The following RALGAPA2 variants were observed in gnomAD, a reference collection of about 807,000 sequenced individuals.
RALGAPA2 encodes the protein Ral GTPase activating protein catalytic subunit alpha 2.
RALGAPA2 carries 139 observed loss-of-function variants against 230.4 expected under a neutral mutation model. The ratio of observed to expected loss-of-function variants is 0.60; its 90% CI spans 0.53 to 0.69. The LOEUF is 0.69. RALGAPA2 is among the 30% of genes least tolerant of loss of function. The pLI is 0.00. For synonymous variants in RALGAPA2, 847 were observed against 837.8 expected (o/e 1.01, Z -0.19); for missense variants, 2,163 against 2,276.0 (o/e 0.95, Z 1.01).
intron 4 of RALGAPA2, among the ~76,000 whole-genome samples, chr20:20,649,225 G>A (rs1305370066): frequency 6.6e-6 from 1 of 152,162 alleles, no homozygotes; most frequent in Non-Finnish European, 1.5e-5. Flanking sequence ...AGTGCACAGG[G>A]AAACCCTGCT....
At position 20,573,235 on chromosome 20, in the gene RALGAPA2, G is replaced by A. The variant is rs573541470; in HGVS notation, c.2708-167C>T. Reference sequence around the variant, plus strand: ...AGAAAAGCAGGATCAAGGAAGAAAGGTCAAATGATTTTGATTCTTCAAACT... The same window carrying A: ...AGAAAAGCAGGATCAAGGAAGAAAGATCAAATGATTTTGATTCTTCAAACT... On this transcript the variant is annotated intron_variant, in intron 20 of 39. Coordinates refer to ENST00000202677, the MANE Select transcript of RALGAPA2 (RefSeq NM_020343.4). 2.6e-5 allele frequency among the ~76,000 whole-genome samples: 4 copies of A among 152,302 alleles called. No homozygotes were observed. The East Asian group carries it at 7.7e-4, about 29-fold the overall frequency.
chr20:20,618,683 C>T (rs974388335), intron 12 of RALGAPA2, among the ~76,000 whole-genome samples: 6 of 152,148 alleles, frequency 3.9e-5, no homozygotes, highest in African/African-American at 1.4e-4. Flanking sequence ...TGTATTTTCA[C>T]TTACTCTTCA....
At chr20:20,614,263 C>A (rs1245906514) in intron 13 of RALGAPA2, among the ~76,000 whole-genome samples, 1 of 152,070 alleles carries the variant, frequency 6.6e-6, no homozygotes, top group Non-Finnish European at 1.5e-5. Flanking sequence ...ATACTTTCAC[C>A]TAGGAATCTA....
At chr20:20,551,546 G>C (rs1236480666) in intron 23 of RALGAPA2, among the ~76,000 whole-genome samples, 4 of 152,204 alleles carry the variant, frequency 2.6e-5, no homozygotes, top group Non-Finnish European at 5.9e-5. Flanking sequence ...TAACTGGTGA[G>C]AACATCTGTC....
At chr20:20,665,729 G>A (rs1354248492) in intron 3 of RALGAPA2, among the ~76,000 whole-genome samples, 1 of 152,148 alleles carries the variant, frequency 6.6e-6, no homozygotes, top group Non-Finnish European at 1.5e-5. Flanking sequence ...CCCACCTTCC[G>A]GTTTGTACAG....
At chr20:20,427,541 C>T (rs2060411171) in intron 37 of RALGAPA2, among the ~76,000 whole-genome samples, 1 of 152,040 alleles carries the variant, frequency 6.6e-6, no homozygotes, top group Non-Finnish European at 1.5e-5. Context: ...TGTCTTCCTG[C>T]CCCTGGTCCT....
intron 2 of RALGAPA2, 29 bp from the exon 3 acceptor site, chr20:20,676,317 A>G: frequency 1.4e-6 from 2 of 1,470,412 alleles, no homozygotes; most frequent in Non-Finnish European, 1.9e-6. Context: ...ATTAGTTATC[A>G]TGACATCATT....
At chr20:20,426,573 G>A (rs1391520301) in intron 37 of RALGAPA2, among the ~76,000 whole-genome samples, 1 of 152,220 alleles carries the variant, frequency 6.6e-6, no homozygotes, top group Non-Finnish European at 1.5e-5. Flanking sequence ...CTGCTTAGGG[G>A]TGAGGAAGGG....
intron 36 of RALGAPA2, among the ~76,000 whole-genome samples, chr20:20,490,802 C>G (rs2062030160): frequency 2.0e-5 from 3 of 151,950 alleles, no homozygotes; most frequent in Non-Finnish European, 4.4e-5. Context: ...TGGGCACCTG[C>G]TCCAGGTACA....
intron 23 of RALGAPA2, among the ~76,000 whole-genome samples, chr20:20,565,393 G>A (rs913044519): frequency 6.6e-6 from 1 of 152,156 alleles, no homozygotes. Flanking sequence ...GGCTGTCTGG[G>A]GTTATTAAAA....
chr20:20,531,864 TAACAA>T, intron 26 of RALGAPA2, 69 bp from the exon 27 acceptor site: 3 of 1,159,954 alleles, frequency 2.6e-6, no homozygotes, highest in East Asian at 2.5e-5. Flanking sequence ...TATTTTCAAA[TAACAA>T]AACACTTTAA....
intron 38 of RALGAPA2, among the ~76,000 whole-genome samples, chr20:20,403,748 C>T (rs1430263268): frequency 6.6e-6 from 1 of 152,180 alleles, no homozygotes; most frequent in Admixed American, 6.5e-5. Flanking sequence ...AATGACTGCA[C>T]GTGGGCTCTG....
chr20:20,432,259 C>CA (rs2122975566), intron 37 of RALGAPA2, among the ~76,000 whole-genome samples: 1 of 152,258 alleles, frequency 6.6e-6, no homozygotes, highest in African/African-American at 2.4e-5. Context: ...GTGACTGTCT[C>CA]ATTGTGCCTG....
intron 35 of RALGAPA2, among the ~76,000 whole-genome samples, chr20:20,496,577 A>G (rs570836091): frequency 1.3e-4 from 20 of 152,364 alleles, no homozygotes; most frequent in East Asian, 5.8e-4. Context: ...CTAACAGATG[A>G]ACATTAAAAA....
chr20:20,609,588 C>A (rs917493620), intron 14 of RALGAPA2, among the ~76,000 whole-genome samples: 1 of 152,142 alleles, frequency 6.6e-6, no homozygotes, highest in African/African-American at 2.4e-5. Flanking sequence ...TTGTTTAATT[C>A]TGTGACAAGT....
intron 38 of RALGAPA2, among the ~76,000 whole-genome samples, chr20:20,401,383 C>T (rs909900803): frequency 2.0e-5 from 3 of 152,172 alleles, no homozygotes; most frequent in Admixed American, 2.0e-4. Flanking sequence ...ACCTCTCCTG[C>T]TGTGCCACCC....
At position 20,495,415 on chromosome 20, in the gene RALGAPA2, T is replaced by C. The variant is rs148512822; in HGVS notation, c.5209-140A>G. The C allele has an allele frequency of 7.9e-6, 5 of 633,410 alleles. No individual in the cohort carries two copies. In the Admixed American group the frequency reaches 1.4e-4, roughly 17 times the overall value. 39.2% of individuals were successfully genotyped at this position (633,410 alleles called of 1,614,324 possible). On this transcript the variant is annotated intron_variant, in intron 35 of 39. Coordinates refer to ENST00000202677, the MANE Select transcript of RALGAPA2 (RefSeq NM_020343.4). ...AAAGGCTACAACATTGATGTTCTTC[T>C]GTGAGGATTTTAAAAAGCACAAGTG...
chr20:20,598,727 C>T (rs540347713), intron 16 of RALGAPA2: 25 of 456,252 alleles, frequency 5.5e-5, no homozygotes, highest in East Asian at 4.9e-4. Flanking sequence ...GGTAAGAGAG[C>T]GCTCACGGTG....
chr20:20,563,741 A>G (rs545227847), intron 23 of RALGAPA2, among the ~76,000 whole-genome samples: 27 of 152,250 alleles, frequency 1.8e-4, no homozygotes, highest in Non-Finnish European at 3.5e-4. Context: ...AGATAATGGG[A>G]ATCGTGCCAG....
Sources: gnomAD v4.1 joint callset for allele counts (sites outside exome capture counted in the v4.1 genomes callset) on GRCh38, gnomAD v4.1.1 for gene constraint, MANE v1.5 for transcripts, NCBI Gene and HGNC (gene_info 2026-07-23, HGNC 2026-07-21) for gene names.